The following SLC5A3 variants were observed in gnomAD, a reference collection of about 807,000 sequenced individuals.
SLC5A3 encodes the protein solute carrier family 5 member 3, also known as sodium/myo-inositol cotransporter.
SLC5A3 carries 10 observed loss-of-function variants against 43.2 expected under a neutral mutation model. The observed-to-expected ratio is 0.23, with a 90% confidence interval of 0.14 to 0.39. The LOEUF (loss-of-function observed/expected upper bound fraction) is 0.39, where lower values mean the gene tolerates loss of function less well. SLC5A3 is among the 10% of genes least tolerant of loss of function. The pLI is 1.00. For synonymous variants in SLC5A3, 349 were observed against 322.0 expected, an observed-to-expected ratio of 1.08 and a Z score of -0.90; for missense variants, 608 against 893.4, an observed-to-expected ratio of 0.68 and a Z score of 4.07.
Position 34,095,597 on chromosome 21 carries a change from C to G in SLC5A3, c.399C>G (p.Leu133=). ...QVYFAALSLI[L]YIFTKLSVDL... is the part of the protein sequence containing the mutation. ...ATTTTGCAGCCTTGTCTCTGATTCT[C>G]TATATTTTCACCAAGCTCTCGGTGG... The change falls in exon 2 of 2, where the codon CTC becomes CTG. Residue 133 remains leucine, a synonymous_variant. Transcript: ENST00000381151. 1 of 1,613,474 alleles carries G rather than the reference C, an allele frequency of 6.2e-7. No individual in the cohort carries two copies. Among genetic ancestry groups the G allele is most frequent in the Non-Finnish European group, 8.5e-7 (1 of 1,179,890 alleles).
rs1212137884 is a variant in SLC5A3 at position 34,098,737 on chromosome 21, G to C, written c.*1382G>C. ...ATAGGACTCTAACTTGACATGGCTT[G>C]GCACCCACTTGCAGCTAGTGGGTAC... On this transcript the variant is annotated 3_prime_UTR_variant, in exon 2 of 2. Coordinates refer to ENST00000381151, the MANE Select transcript of SLC5A3 (RefSeq NM_006933.7). 2 of 1,000,018 alleles carry C rather than the reference G, an allele frequency of 2.0e-6. No homozygotes were observed. The highest frequency in any genetic ancestry group is 3.5e-5 in the African/African-American group (2 of 57,202). The allele number at this position is 1,000,018 out of a possible 1,614,324, so 61.9% of individuals were successfully genotyped here.
chr21:34,084,994 C>T lies in SLC5A3; in HGVS notation c.-336-9869C>T, dbSNP rs138980726. 5.1e-3 allele frequency among the ~76,000 whole-genome samples: 780 copies of T among 152,252 alleles called. 5 individuals carry two copies. Among genetic ancestry groups the T allele is most frequent in the Non-Finnish European group, 8.8e-3 (599 of 68,018 alleles). ...ACCTTTCTTAGGAATAAGGGCCTTC[C>T]TCCTAACCACAACATAGTCATCACA... On this transcript the variant is annotated intron_variant, in intron 1 of 1. Coordinates refer to ENST00000381151, the MANE Select transcript of SLC5A3 (RefSeq NM_006933.7).
At chr21:34,076,258 T>G (rs1989328119) in intron 1 of SLC5A3, among the ~76,000 whole-genome samples, 1 of 152,222 alleles carries the variant, frequency 6.6e-6, no homozygotes, top group Non-Finnish European at 1.5e-5. Context: ...TGGAGAATAT[T>G]AACTCCTCCC....
At chr21:34,085,803 C>T (rs778869687) in intron 1 of SLC5A3, among the ~76,000 whole-genome samples, 1 of 152,060 alleles carries the variant, frequency 6.6e-6, no homozygotes, top group Non-Finnish European at 1.5e-5. Flanking sequence ...GGGGTTTCAC[C>T]GTGTTAGCTA....
intron 1 of SLC5A3, among the ~76,000 whole-genome samples, chr21:34,074,567 A>C (rs1467965867): frequency 6.6e-6 from 1 of 152,198 alleles, no homozygotes; most frequent in African/African-American, 2.4e-5. Context: ...CGCGGCCCGG[A>C]GGCAGCTCAC....
Position 34,095,079 on chromosome 21 carries a change from C to A in SLC5A3, c.-120C>A. On this transcript the variant is annotated 5_prime_UTR_variant, in exon 2 of 2. The change creates a new upstream start codon in the 5' untranslated region. Transcript: ENST00000381151. The stretch of plus-strand genomic sequence containing the variant: ...CCAAAGGACAAAGACTTTGACCCTG[C>A]TGTGTTGCTCTGTGTAGTCCAGTTC... The A allele has an allele frequency of 1.6e-6, 2 of 1,272,342 alleles. No individual in the cohort carries two copies. The highest frequency in any genetic ancestry group is 1.1e-6 in the Non-Finnish European group (1 of 928,072). The allele number at this position is 1,272,342 out of a possible 1,614,324, so 78.8% of individuals were successfully genotyped here.
At position 34,095,226 on chromosome 21, in the gene SLC5A3, A is replaced by G. The variant is rs1978909954; in HGVS notation, c.28A>G (p.Ile10Val). 1 of 1,613,002 alleles carries G rather than the reference A, an allele frequency of 6.2e-7. No individual in the cohort carries two copies. The highest frequency in any genetic ancestry group is 8.5e-7 in the Non-Finnish European group (1 of 1,179,406). Residue 10 changes from isoleucine (I) to valine (V), a missense_variant, in exon 2 of 2, where the codon ATT (isoleucine) becomes GTT (valine). By Grantham distance (29) the Ile-to-Val change is conservative. Transcript: ENST00000381151. ...GAGAGCTGTACTGGACACAGCAGAC[A>G]TTGCCATAGTGGCCCTGTATTTTAT... MRAVLDTAD[I>V]AIVALYFILV...
At chr21:34,078,332 A>G (rs1989382215) in intron 1 of SLC5A3, among the ~76,000 whole-genome samples, 1 of 152,190 alleles carries the variant, frequency 6.6e-6, no homozygotes, top group Non-Finnish European at 1.5e-5. Context: ...TTATTGCCGC[A>G]GCAAGCTATT....
chr21:34,086,909 C>T (rs1978418104), intron 1 of SLC5A3, among the ~76,000 whole-genome samples: 1 of 152,180 alleles, frequency 6.6e-6, no homozygotes, highest in Non-Finnish European at 1.5e-5. Flanking sequence ...TGCTTGCCGG[C>T]ACTGACCTGC....
In SLC5A3 at chr21:34,105,653, A is replaced by T. The variant is rs964805049; in HGVS notation, c.*8298A>T. On this transcript the variant is annotated 3_prime_UTR_variant, in exon 2 of 2. Transcript: ENST00000381151. The stretch of plus-strand genomic sequence containing the variant: ...AGTTAGGCATTGTAGGCCAAATGTG[A>T]TTATAAATGAAGTTGATGAACATTA... The T allele has an allele frequency of 3.7e-5, 37 of 998,914 alleles. No individual in the cohort carries two copies. The highest frequency in any genetic ancestry group is 6.2e-5 in the Admixed American group (1 of 16,256). The allele number at this position is 998,914 out of a possible 1,614,324, so 61.9% of individuals were successfully genotyped here.
In SLC5A3 at chr21:34,105,202, A is replaced by G. The variant is rs965145065; in HGVS notation, c.*7847A>G. On this transcript the variant is annotated 3_prime_UTR_variant, in exon 2 of 2. Coordinates refer to ENST00000381151, the MANE Select transcript of SLC5A3 (RefSeq NM_006933.7). Reference sequence around the variant, plus strand: ...TTATAGATTGCCAGCAGAGTTCAGAAATAGAGCAGGGATTTACCCGTTCTT... The same window carrying G: ...TTATAGATTGCCAGCAGAGTTCAGAGATAGAGCAGGGATTTACCCGTTCTT... The G allele has an allele frequency of 1.2e-5, 12 of 1,000,172 alleles. No individual in the cohort carries two copies. In the African/African-American group the frequency reaches 2.1e-4, roughly 17 times the overall value. 62.0% of individuals were successfully genotyped at this position (1,000,172 alleles called of 1,614,324 possible). A position where few individuals can be genotyped will look rare whatever the true frequency, so the allele number is the denominator to read the frequency against.
chr21:34,096,981 A>T lies in SLC5A3; in HGVS notation c.1783A>T (p.Ile595Phe). 1 of 1,614,116 alleles carries T rather than the reference A, an allele frequency of 6.2e-7. No homozygotes were observed. The highest frequency in any genetic ancestry group is 8.5e-7 in the Non-Finnish European group (1 of 1,179,974). The change falls in exon 2 of 2, where the codon ATT (isoleucine) becomes TTT (phenylalanine). Residue 595 changes from isoleucine to phenylalanine, a missense_variant. Physicochemically the swap from Ile to Phe is conservative, Grantham distance 21 (BLOSUM62 0). Around this residue, in one of 2 missense-constraint regions of SLC5A3, gnomAD observed 210 missense variants for 224.8 expected, o/e 0.93. Transcript: ENST00000381151. The surrounding 1 kb of genome is among the most constrained non-coding windows in gnomAD (Gnocchi z 5.9). ...TCCCAACGGGAAATCTGAAGACAGCATTAAGGGCCTTCAGCCTGAAGATGT... is the reference window on the plus strand; with the variant it reads ...TCCCAACGGGAAATCTGAAGACAGCTTTAAGGGCCTTCAGCCTGAAGATGT... The part of the protein sequence containing the change: ...IIPNGKSEDS[I>F]KGLQPEDVNL...
rs1485538591 is a variant in SLC5A3, at chr21:34,097,626, C to T, written c.*271C>T. 8.5e-7 allele frequency: 1 copy of T among 1,175,682 alleles called. No homozygotes were observed. Among genetic ancestry groups the T allele is most frequent in the African/African-American group, 1.6e-5 (1 of 62,412 alleles). 72.8% of individuals were successfully genotyped at this position (1,175,682 alleles called of 1,614,324 possible). A position where few individuals can be genotyped will look rare whatever the true frequency, so the allele number is the denominator to read the frequency against. On this transcript the variant is annotated 3_prime_UTR_variant, in exon 2 of 2. Transcript: ENST00000381151. ...CCAAAGTAAGAAGAGACCAATTATT[C>T]TCACAGAGCACTTAGAGCAGAATAT...
chr21:34,085,838 G>A lies in SLC5A3; in HGVS notation c.-336-9025G>A, dbSNP rs549741946. ...AGGGTGGTCTTGATGTCCTGACCTC[G>A]TGATTCACCCGCCTCGGCCTCCCAA... On this transcript the variant is annotated intron_variant, in intron 1 of 1. Transcript: ENST00000381151. 2.0e-5 allele frequency among the ~76,000 whole-genome samples: 3 copies of A among 152,212 alleles called. No homozygotes were observed. In the East Asian group the frequency reaches 5.8e-4, roughly 29 times the overall value.
At chr21:34,077,704 G>A (rs1326732320) in intron 1 of SLC5A3, among the ~76,000 whole-genome samples, 1 of 152,110 alleles carries the variant, frequency 6.6e-6, no homozygotes, top group Non-Finnish European at 1.5e-5. Flanking sequence ...TTTACATTTA[G>A]ATAACTCATT....
chr21:34,086,100 C>T (rs1459171634), intron 1 of SLC5A3, among the ~76,000 whole-genome samples: 1 of 152,222 alleles, frequency 6.6e-6, no homozygotes, highest in East Asian at 1.9e-4. Context: ...CTTCTTACCC[C>T]ACTCTTTACC....
Position 34,105,923 on chromosome 21 carries a change from T to C in SLC5A3, c.*8568T>C, listed in dbSNP as rs897894161. On this transcript the variant is annotated 3_prime_UTR_variant, in exon 2 of 2. Coordinates refer to ENST00000381151, the MANE Select transcript of SLC5A3 (RefSeq NM_006933.7). ...ATTCTAACTTGTCTATTCTAACCTA[T>C]TGTGTACAATCTGATTTTTTAAAAT... 1 of 988,710 alleles carries C rather than the reference T, an allele frequency of 1.0e-6. No individual in the cohort carries two copies. The highest frequency in any genetic ancestry group is 1.2e-6 in the Non-Finnish European group (1 of 819,448). The allele number at this position is 988,710 out of a possible 1,614,324, so 61.2% of individuals were successfully genotyped here. A position where few individuals can be genotyped will look rare whatever the true frequency, so the allele number is the denominator to read the frequency against.
chr21:34,090,344 C>T (rs1978622163), intron 1 of SLC5A3, among the ~76,000 whole-genome samples: 1 of 152,214 alleles, frequency 6.6e-6, no homozygotes, highest in African/African-American at 2.4e-5. Context: ...TATTCCACCA[C>T]AGGAATTTGC....
intron 1 of SLC5A3, among the ~76,000 whole-genome samples, chr21:34,078,564 G>A (rs79730062): frequency 3.3e-5 from 5 of 152,024 alleles, no homozygotes; most frequent in African/African-American, 9.7e-5. Flanking sequence ...AGTATTATAT[G>A]CAGACTATTG....
Sources: gnomAD v4.1 joint callset for allele counts (sites outside exome capture counted in the v4.1 genomes callset) on GRCh38, gnomAD v4.1.1 for gene constraint, gnomAD v4.1.1 regional missense constraint, Gnocchi (gnomAD v3.1) non-coding constraint, MANE v1.5 for transcripts, NCBI Gene and HGNC (gene_info 2026-07-23, HGNC 2026-07-21) for gene names.